DPH6: variants seen among roughly 807,000 people sequenced by gnomAD.
DPH6 encodes the protein diphthine--ammonia ligase.
A neutral mutation model predicts 38.2 loss-of-function variants in DPH6; 33 were observed. The observed-to-expected ratio is 0.86, with a 90% CI of 0.65 to 1.15. The LOEUF (loss-of-function observed/expected upper bound fraction) is 1.15. DPH6 is among the 50% of genes most tolerant of loss of function. The pLI is 0.00. For missense variants in DPH6, 325 were observed against 320.0 expected (o/e 1.02, Z -0.12); for synonymous variants, 108 against 103.0 (o/e 1.05, Z -0.30).
At chr15:35,168,988 G>A in the DPH6 span, among the ~76,000 whole-genome samples, 1 of 151,764 alleles carries the variant, frequency 6.6e-6, no homozygotes, top group Non-Finnish European at 1.5e-5. Context: ...ATAAATGCTG[G>A]GATCTTAGAT....
At chr15:35,291,388 T>A (rs2051979315) in intron 3 of DPH6, among the ~76,000 whole-genome samples, 1 of 152,130 alleles carries the variant, frequency 6.6e-6, no homozygotes, top group African/African-American at 2.4e-5. Context: ...TATAATAAAT[T>A]ACTTGGGATT....
intron 5 of DPH6, 41 bp from the exon 6 acceptor site, chr15:35,410,937 T>G (rs535039042): frequency 6.4e-7 from 1 of 1,570,434 alleles, no homozygotes; most frequent in South Asian, 1.2e-5. Context: ...AACTATCAGA[T>G]AGGAACTTTA....
intron 5 of DPH6, among the ~76,000 whole-genome samples, chr15:35,427,142 T>G (rs1262833756): frequency 6.6e-6 from 1 of 151,870 alleles, no homozygotes; most frequent in African/African-American, 2.4e-5. Flanking sequence ...GTTTAGAGGA[T>G]GTAAGAAGCA....
rs1180094812 is a variant in DPH6, at chr15:35,496,555, CAA to C, written c.312+41717_312+41718del. The stretch of plus-strand genomic sequence containing the variant: ...AGGCAACAAGACGAAAGTTCCATCT[CAA>C]AAAAAAAAAAATATATATATATATA... On this transcript the variant is annotated intron_variant, in intron 3 of 8. Transcript: ENST00000256538. Among the ~76,000 whole-genome samples, 94 of 49,228 alleles carry C rather than the reference CAA, an allele frequency of 1.9e-3. 13 individuals carry two copies. In the East Asian group the frequency reaches 0.066, roughly 35 times the overall value. 32.3% of individuals were successfully genotyped at this position (49,228 alleles called of 152,430 possible).
downstream of DPH6, among the ~76,000 whole-genome samples, chr15:35,326,022 G>GA (rs2052279174): frequency 6.6e-6 from 1 of 152,022 alleles, no homozygotes; most frequent in Non-Finnish European, 1.5e-5. Flanking sequence ...AATCAGAATA[G>GA]AAAAAATTTT....
the DPH6 span, among the ~76,000 whole-genome samples, chr15:35,185,722 C>T: frequency 5.9e-4 from 76 of 127,836 alleles, no homozygotes; most frequent in Non-Finnish European, 4.6e-4. Flanking sequence ...GTCCAATCCA[C>T]TCTTTTTTTT....
the DPH6 span, among the ~76,000 whole-genome samples, chr15:35,146,825 C>T: frequency 8.5e-5 from 13 of 152,206 alleles, no homozygotes; most frequent in South Asian, 2.7e-3. Flanking sequence ...TGAATATCTA[C>T]CATGACCTTA....
At chr15:35,255,096 C>T (rs2051698701) in intron 3 of DPH6, among the ~76,000 whole-genome samples, 1 of 152,068 alleles carries the variant, frequency 6.6e-6, no homozygotes, top group African/African-American at 2.4e-5. Context: ...GGCTCAGAGG[C>T]CTGACACTTG....
chr15:35,264,696 C>G (rs775503078), intron 3 of DPH6, among the ~76,000 whole-genome samples: 7 of 152,196 alleles, frequency 4.6e-5, no homozygotes, highest in Non-Finnish European at 7.3e-5. Context: ...CACAACAAAG[C>G]ATACCACGCA....
At chr15:35,522,866 ACC>A in intron 3 of DPH6, among the ~76,000 whole-genome samples, 1 of 152,266 alleles carries the variant, frequency 6.6e-6, no homozygotes, top group Non-Finnish European at 1.5e-5. Flanking sequence ...ATGTTATTAT[ACC>A]ATACAGAGCA....
chr15:35,453,357 T>G (rs1323571557), intron 4 of DPH6, among the ~76,000 whole-genome samples: 1 of 152,142 alleles, frequency 6.6e-6, no homozygotes, highest in Non-Finnish European at 1.5e-5. Context: ...TTTTTAACTT[T>G]CATAAATAGA....
downstream of DPH6, among the ~76,000 whole-genome samples, chr15:35,213,917 C>T (rs1468523123): frequency 2.0e-5 from 3 of 152,180 alleles, no homozygotes; most frequent in East Asian, 1.9e-4. Context: ...TCGAGACCAT[C>T]CTGGCTAACA....
At position 35,444,778 on chromosome 15, in the gene DPH6, A is replaced by G. The variant is rs570081126; in HGVS notation, c.505+5907T>C. Among the ~76,000 whole-genome samples, 5 of 152,134 alleles carry G rather than the reference A, an allele frequency of 3.3e-5. No individual in the cohort carries two copies. In the South Asian group the frequency reaches 6.2e-4, roughly 19 times the overall value. ...AGATGCAGCCAGTCTCCTGGAAGAGAGCTCCCTCTAGTGTCTCTATTTGGA... is the reference window on the plus strand; with the variant it reads ...AGATGCAGCCAGTCTCCTGGAAGAGGGCTCCCTCTAGTGTCTCTATTTGGA... On this transcript the variant is annotated intron_variant, in intron 5 of 8. Coordinates refer to ENST00000256538, the MANE Select transcript of DPH6 (RefSeq NM_080650.4).
intron 8 of DPH6, chr15:35,372,493 T>C (rs1417039949): frequency 1.8e-5 from 4 of 223,262 alleles, no homozygotes; most frequent in East Asian, 1.8e-4. Context: ...GTAGCAAAAG[T>C]AGCAGAAAAC....
chr15:35,287,381 T>C (rs779189526), intron 3 of DPH6, among the ~76,000 whole-genome samples: 4 of 152,174 alleles, frequency 2.6e-5, no homozygotes, highest in Non-Finnish European at 4.4e-5. Context: ...TTTAAAATAG[T>C]CTGAACTAAC....
At chr15:35,533,976 A>G (rs142579580) in intron 3 of DPH6, among the ~76,000 whole-genome samples, 52 of 152,274 alleles carry the variant, frequency 3.4e-4, no homozygotes, top group African/African-American at 1.2e-3. Flanking sequence ...ATTCACAGTC[A>G]GCTTTCCTCT....
intron 3 of DPH6, among the ~76,000 whole-genome samples, chr15:35,462,134 T>C (rs2141107135): frequency 6.6e-6 from 1 of 152,250 alleles, no homozygotes; most frequent in South Asian, 2.1e-4. Context: ...TCCAAAAATA[T>C]CCCAGATTCC....
chr15:35,453,410 G>A (rs2053959946), intron 4 of DPH6, among the ~76,000 whole-genome samples: 1 of 152,076 alleles, frequency 6.6e-6, no homozygotes. Context: ...AAAGCCTGTG[G>A]GTTTGAACTT....
At chr15:35,544,322 G>A (rs1168914286) in intron 1 of DPH6, among the ~76,000 whole-genome samples, 2 of 151,550 alleles carry the variant, frequency 1.3e-5, no homozygotes, top group South Asian at 2.1e-4. Context: ...ATGGACACAG[G>A]GAGGGGCACA....
Sources: gnomAD v4.1 joint callset for allele counts (sites outside exome capture counted in the v4.1 genomes callset) on GRCh38, gnomAD v4.1.1 for gene constraint, MANE v1.5 for transcripts, NCBI Gene and HGNC (gene_info 2026-07-23, HGNC 2026-07-21) for gene names.